Variants in CCDC7 observed in about 807,000 individuals in gnomAD.
The protein encoded by CCDC7 is coiled-coil domain containing 7, also known as coiled-coil domain-containing protein 7.
CCDC7 carries 183 observed loss-of-function variants against 196.9 expected under a neutral mutation model. The observed-to-expected ratio is 0.93, with a 90% CI of 0.82 to 1.05. The LOEUF (loss-of-function observed/expected upper bound fraction) is 1.05. Ranked by LOEUF, CCDC7 falls within the 50% of genes least tolerant of loss-of-function variation. The pLI is 0.00. For synonymous variants in CCDC7, 525 were observed against 484.6 expected, an observed-to-expected ratio of 1.08 and a Z score of -1.10; for missense variants, 1,540 against 1,482.2, an observed-to-expected ratio of 1.04 and a Z score of -0.64.
chr10:32,719,755 C>G (rs867057973), intron 25 of CCDC7, among the ~76,000 whole-genome samples: 1 of 151,874 alleles, frequency 6.6e-6, no homozygotes, highest in Non-Finnish European at 1.5e-5. Context: ...ATGCAGCCAA[C>G]AAACATGAAA....
At chr10:32,845,428 T>A in intron 34 of CCDC7, 102 bp downstream of exon 35, 1 of 1,202,750 alleles carries the variant, frequency 8.3e-7, no homozygotes, top group Non-Finnish European at 1.2e-6. Flanking sequence ...TATATTATAG[T>A]GTTACATAAG....
intron 9 of CCDC7, chr10:32,511,268 GGC>G (rs201979367): frequency 0.011 from 5,810 of 520,400 alleles, 208 homozygotes; most frequent in South Asian, 0.023. Context: ...GGGCGGGGGG[GGC>G]GGGGAAATGT....
intron 32 of CCDC7, among the ~76,000 whole-genome samples, chr10:32,832,648 T>C (rs1443752594): frequency 6.6e-6 from 1 of 152,120 alleles, no homozygotes; most frequent in African/African-American, 2.4e-5. Context: ...CAGGATTAGT[T>C]GGTATCAGGC....
chr10:32,864,497 T>TAC (rs1472413334), intron 41 of CCDC7, among the ~76,000 whole-genome samples: 1 of 151,494 alleles, frequency 6.6e-6, no homozygotes, highest in East Asian at 1.9e-4. Context: ...TTTATATATA[T>TAC]ATACACACAC....
chr10:32,687,761 G>A (rs2784574), intron 22 of CCDC7, among the ~76,000 whole-genome samples: 52,104 of 152,012 alleles, frequency 0.34, 11,333 homozygotes, highest in Non-Finnish European at 0.49. Context: ...TGAAAGCTGA[G>A]ACTTCTGGGT....
intron 13 of CCDC7, among the ~76,000 whole-genome samples, chr10:32,557,299 T>A (rs1370796095): frequency 6.6e-6 from 1 of 152,018 alleles, no homozygotes; most frequent in Non-Finnish European, 1.5e-5. Context: ...TATTTGGTTT[T>A]CAGCAGTTTG....
intron 41 of CCDC7, among the ~76,000 whole-genome samples, chr10:32,874,105 G>A (rs1188076346): frequency 1.3e-5 from 2 of 150,310 alleles, no homozygotes; most frequent in East Asian, 3.9e-4. Context: ...CCTGTTTAGA[G>A]TAATATGCAT....
chr10:32,822,591 A>G (rs1477586072), intron 31 of CCDC7, among the ~76,000 whole-genome samples: 1 of 152,152 alleles, frequency 6.6e-6, no homozygotes. Context: ...CAGGTATAAT[A>G]TGTATAACAG....
chr10:32,722,366 A>G (rs2082536907), intron 25 of CCDC7, among the ~76,000 whole-genome samples: 1 of 152,144 alleles, frequency 6.6e-6, no homozygotes, highest in African/African-American at 2.4e-5. Flanking sequence ...GCAGCGATCT[A>G]CTTCCCAGTG....
At chr10:32,689,492 T>G (rs2076830867) in intron 23 of CCDC7, among the ~76,000 whole-genome samples, 1 of 151,958 alleles carries the variant, frequency 6.6e-6, no homozygotes, top group Non-Finnish European at 1.5e-5. Flanking sequence ...CCTTCTTCCA[T>G]AGGCACCAAT....
chr10:32,706,875 G>A (rs556689356), intron 24 of CCDC7, among the ~76,000 whole-genome samples: 11 of 152,264 alleles, frequency 7.2e-5, no homozygotes, highest in East Asian at 1.9e-4. Flanking sequence ...ATTTACAGCC[G>A]AATTCTACCA....
chr10:32,635,405 G>A (rs2065468990), intron 20 of CCDC7, among the ~76,000 whole-genome samples: 1 of 151,872 alleles, frequency 6.6e-6, no homozygotes. Flanking sequence ...TATTATTAAT[G>A]TACATATAAA....
intron 18 of CCDC7, among the ~76,000 whole-genome samples, chr10:32,598,880 A>T (rs1187098700): frequency 6.6e-6 from 1 of 152,078 alleles, no homozygotes; most frequent in African/African-American, 2.4e-5. Flanking sequence ...AAAATTGTGT[A>T]TTTTGCTGAT....
intron 41 of CCDC7, among the ~76,000 whole-genome samples, chr10:32,872,557 A>G (rs886516236): frequency 2.6e-5 from 4 of 152,020 alleles, no homozygotes; most frequent in African/African-American, 9.7e-5. Context: ...TAATATTGTT[A>G]TGTGTGAATT....
At chr10:32,591,925 T>A (rs553612420) in intron 18 of CCDC7, among the ~76,000 whole-genome samples, 1 of 152,316 alleles carries the variant, frequency 6.6e-6, no homozygotes, top group South Asian at 2.1e-4. Flanking sequence ...AGCGACATGG[T>A]ACCTAAGCTG....
At chr10:32,594,086 A>G (rs1354397080) in intron 18 of CCDC7, among the ~76,000 whole-genome samples, 1 of 152,192 alleles carries the variant, frequency 6.6e-6, no homozygotes. Context: ...TTCTGTGAAG[A>G]AAGTCATTGG....
chr10:32,461,858 G>A (rs1045731420), intron 3 of CCDC7, among the ~76,000 whole-genome samples: 3 of 150,126 alleles, frequency 2.0e-5, no homozygotes, highest in African/African-American at 7.3e-5. Flanking sequence ...CGCAACCTCC[G>A]CCTCCCGGGT....
At chr10:32,746,526 T>A (rs1221796787) in intron 28 of CCDC7, among the ~76,000 whole-genome samples, 4 of 152,184 alleles carry the variant, frequency 2.6e-5, no homozygotes, top group African/African-American at 9.7e-5. Context: ...CTTTGACCTT[T>A]GTTAACTGTC....
chr10:32,748,711 T>C (rs954894110), intron 28 of CCDC7, among the ~76,000 whole-genome samples: 4 of 152,190 alleles, frequency 2.6e-5, no homozygotes, highest in Non-Finnish European at 5.9e-5. Context: ...TCCCTTCTTA[T>C]GTGGGGCAGG....
Sources: gnomAD v4.1 joint callset for allele counts (sites outside exome capture counted in the v4.1 genomes callset) on GRCh38, gnomAD v4.1.1 for gene constraint, MANE v1.5 for transcripts, NCBI Gene and HGNC (gene_info 2026-07-23, HGNC 2026-07-21) for gene names.